HEATR5B: variants seen among roughly 807,000 people sequenced by gnomAD.
HEATR5B encodes HEAT repeat-containing protein 5B.
HEATR5B carries 156 observed loss-of-function variants against 224.1 expected under a neutral mutation model. The ratio of observed to expected loss-of-function variants is 0.70; its 90% CI spans 0.61 to 0.80. HEATR5B has a LOEUF of 0.80. Among genes scored for constraint, HEATR5B ranks in the 30% least tolerant of loss-of-function variants. HEATR5B has a pLI of 0.00. For synonymous variants in HEATR5B, 1,027 were observed against 893.0 expected (o/e 1.15, Z -2.68); for missense variants, 2,323 against 2,535.5 (o/e 0.92, Z 1.80).
intron 24 of HEATR5B, among the ~76,000 whole-genome samples, chr2:37,022,736 G>A (rs766220518): frequency 3.9e-5 from 6 of 152,158 alleles, no homozygotes; most frequent in Non-Finnish European, 7.4e-5. Flanking sequence ...TTTCCTTTTA[G>A]CCCTAGAGTA....
At chr2:37,000,885 AT>A (rs1667049132) in intron 32 of HEATR5B, 72 bp from the exon 33 acceptor site, 2 of 1,013,468 alleles carry the variant, frequency 2.0e-6, no homozygotes, top group South Asian at 3.0e-5. Context: ...CATTGCTTGT[AT>A]TTTTTGCATT....
intron 26 of HEATR5B, among the ~76,000 whole-genome samples, chr2:37,017,323 G>A (rs1668179888): frequency 6.6e-6 from 1 of 151,688 alleles, no homozygotes; most frequent in African/African-American, 2.4e-5. Flanking sequence ...AACTCGGGAG[G>A]CGGAGGGTGC....
At chr2:37,003,846 A>G (rs1168567860) in intron 30 of HEATR5B, among the ~76,000 whole-genome samples, 160 bp from the exon 31 acceptor site, 4 of 152,238 alleles carry the variant, frequency 2.6e-5, no homozygotes, top group African/African-American at 9.6e-5. Context: ...AAAAATCTTG[A>G]GAAATGGTCA....
chr2:37,061,862 C>A (rs1335374850), intron 11 of HEATR5B, 77 bp downstream of exon 11: 6 of 796,962 alleles, frequency 7.5e-6, no homozygotes, highest in Non-Finnish European at 1.3e-5. Context: ...TGAAGCTTAA[C>A]ACTTTTAAAT....
At chr2:37,003,713 TAAGTA>T (rs1354806578) in intron 30 of HEATR5B, 27 bp from the exon 31 acceptor site, 1 of 1,495,296 alleles carries the variant, frequency 6.7e-7, no homozygotes, top group Non-Finnish European at 9.0e-7. Context: ...CAAATACAGT[TAAGTA>T]ATTTCAATCT....
At chr2:37,006,405 G>A (rs761615076) in intron 29 of HEATR5B, among the ~76,000 whole-genome samples, 2 of 152,226 alleles carry the variant, frequency 1.3e-5, no homozygotes, top group Non-Finnish European at 2.9e-5. Context: ...TCAGCACCCA[G>A]CCGAGGTGGG....
At position 37,028,089 on chromosome 2, in the gene HEATR5B, G is replaced by C; in HGVS notation, c.3687C>G (p.Thr1229=). 6.2e-7 allele frequency: 1 copy of C among 1,613,394 alleles called. No individual in the cohort carries two copies. Among genetic ancestry groups the C allele is most frequent in the Non-Finnish European group, 8.5e-7 (1 of 1,179,430 alleles). The part of the protein sequence containing the change: ...KDEMDDDTMF[T]TLGEEDKSKP... ...TTGATTTATCTTCTTCACCTAACGT[G>C]GTAAACATGGTATCATCATCCATCT... The change falls in exon 24 of 36, where the codon ACC becomes ACG. Residue 1229 remains threonine, a synonymous_variant. Coordinates refer to ENST00000233099, the MANE Select transcript of HEATR5B (RefSeq NM_019024.3).
intron 7 of HEATR5B, among the ~76,000 whole-genome samples, chr2:37,069,353 G>A (rs1271831410): frequency 6.6e-6 from 1 of 152,120 alleles, no homozygotes; most frequent in Non-Finnish European, 1.5e-5. Context: ...CAGGATCAAG[G>A]TACAGTTATG....
At chr2:37,071,318 G>C (rs980270830) in intron 6 of HEATR5B, among the ~76,000 whole-genome samples, 3 of 152,106 alleles carry the variant, frequency 2.0e-5, no homozygotes, top group Admixed American at 6.5e-5. Context: ...GACAAGACTG[G>C]GGCAGGGTTC....
Position 37,041,294 on chromosome 2 carries a change from T to C in HEATR5B, c.2697-2A>G. 1 of 1,612,804 alleles carries C rather than the reference T, an allele frequency of 6.2e-7. No individual in the cohort carries two copies. Among genetic ancestry groups the C allele is most frequent in the Non-Finnish European group, 8.5e-7 (1 of 1,179,430 alleles). On this transcript the variant is annotated splice_acceptor_variant, in intron 18 of 35. Transcript: ENST00000233099. LOFTEE classifies it high-confidence loss of function. ...ACAACATCTCGAGCCGATTTCAACC[T>C]GAAAAAAAGATTATGCTTCAAGCAC...
At chr2:37,075,812 C>A (rs1672194628) in intron 4 of HEATR5B, 178 bp from the exon 5 acceptor site, 7 of 420,312 alleles carry the variant, frequency 1.7e-5, no homozygotes, top group Admixed American at 4.1e-5. Context: ...TAAGAATAGT[C>A]AATTAAATAA....
In HEATR5B at chr2:37,076,788, G is replaced by C. The variant is rs115252722; in HGVS notation, c.447+123C>G. 3,022 of 659,880 alleles carry C rather than the reference G, an allele frequency of 4.6e-3. 77 individuals are homozygous for C. The African/African-American group carries it at 0.05, about 11-fold the overall frequency. The allele number at this position is 659,880 out of a possible 1,614,324, so 40.9% of individuals were successfully genotyped here. A position where few individuals can be genotyped will look rare whatever the true frequency, so the allele number is the denominator to read the frequency against. On this transcript the variant is annotated intron_variant, in intron 4 of 35. Coordinates refer to ENST00000233099, the MANE Select transcript of HEATR5B (RefSeq NM_019024.3). ...TAAAAGAAGGGACAAGTAATAATTT[G>C]TAATTACCTCCTTGCTAAGCAATAT...
At chr2:37,008,557 G>C (rs1667576338) in intron 28 of HEATR5B, 54 bp downstream of exon 28, 2 of 1,215,566 alleles carry the variant, frequency 1.6e-6, no homozygotes, top group Non-Finnish European at 2.4e-6. Flanking sequence ...TCTCTATTTT[G>C]TTTAACTACT....
At chr2:37,036,684 G>A (rs1258475543) in intron 21 of HEATR5B, among the ~76,000 whole-genome samples, 3 of 151,898 alleles carry the variant, frequency 2.0e-5, no homozygotes, top group Admixed American at 6.6e-5. Context: ...ACTAATTTTT[G>A]TATTTTTAGT....
intron 12 of HEATR5B, among the ~76,000 whole-genome samples, chr2:37,059,457 TATATA>T (rs1558358724): frequency 7.6e-4 from 85 of 112,328 alleles, no homozygotes; most frequent in South Asian, 1.4e-3. Context: ...TATATATATA[TATATA>T]TATTTTTTTT....
rs755958434 is a variant in HEATR5B at position 37,060,686 on chromosome 2, G to C, written c.1744C>G (p.Arg582Gly). ...YHLPKMLLLW[R>G]NVFPRSLKEL... ...TTTAAGGAACGTGGGAAAACATTTCGCCACAATAACAACATCTTGGGCAGA... is the reference window on the plus strand; with the variant it reads ...TTTAAGGAACGTGGGAAAACATTTCCCCACAATAACAACATCTTGGGCAGA... The change falls in exon 12 of 36, where the codon CGA becomes GGA. Residue 582 changes from arginine to glycine, a missense_variant. Transcript: ENST00000233099. The C allele has an allele frequency of 6.2e-7, 1 of 1,613,538 alleles. No individual in the cohort carries two copies. The highest frequency in any genetic ancestry group is 8.5e-7 in the Non-Finnish European group (1 of 1,179,804).
Position 37,068,709 on chromosome 2 carries a change from T to A in HEATR5B, c.1149A>T (p.Gln383His), listed in dbSNP as rs748447125. 9 of 1,614,064 alleles carry A rather than the reference T, an allele frequency of 5.6e-6. No homozygotes were observed. The highest frequency in any genetic ancestry group is 1.3e-5 in the African/African-American group (1 of 74,928). ...AQIAAAKEIC[Q>H]AIGKQMKAVE... Reference sequence around the variant, plus strand: ...CGGCTTTCATTTGTTTTCCAATAGCTTGGCAGATTTCTTTGGCAGCTGCAA... The same window carrying A: ...CGGCTTTCATTTGTTTTCCAATAGCATGGCAGATTTCTTTGGCAGCTGCAA... The change falls in exon 8 of 36, where the codon CAA becomes CAT. Residue 383 changes from glutamine to histidine, a missense_variant. Gln to His is a conservative substitution (Grantham distance 24). Around this residue, in one of 12 missense-constraint regions of HEATR5B, gnomAD observed 502 missense variants for 517.8 expected, o/e 0.97. Coordinates refer to ENST00000233099, the MANE Select transcript of HEATR5B (RefSeq NM_019024.3).
intron 22 of HEATR5B, among the ~76,000 whole-genome samples, chr2:37,029,976 A>AAATAAAT (rs1558753810): frequency 1.8e-5 from 2 of 109,910 alleles, no homozygotes; most frequent in South Asian, 2.7e-4. Flanking sequence ...AATAAATAAA[A>AAATAAAT]ATTGGGAAAA....
intron 22 of HEATR5B, among the ~76,000 whole-genome samples, chr2:37,030,439 G>C (rs1458624815): frequency 6.6e-6 from 1 of 152,000 alleles, no homozygotes. Flanking sequence ...ATAAATTAAG[G>C]GAAAATTAAT....
Sources: gnomAD v4.1 joint callset for allele counts (sites outside exome capture counted in the v4.1 genomes callset) on GRCh38, gnomAD v4.1.1 for gene constraint, gnomAD v4.1.1 regional missense constraint, MANE v1.5 for transcripts, NCBI Gene and HGNC (gene_info 2026-07-23, HGNC 2026-07-21) for gene names.